SLC22A16: variants seen among roughly 807,000 people sequenced by gnomAD.
SLC22A16 encodes the protein WUGSC:RG331P03.1.
In SLC22A16, 53 loss-of-function variants were observed where a neutral mutation model predicts 52.9. That is an observed-to-expected ratio of 1.00 (90% CI 0.80 to 1.26). The LOEUF is 1.26. Among genes scored for constraint, SLC22A16 ranks in the 50% most tolerant of loss-of-function variants. The pLI, the probability that SLC22A16 is intolerant of heterozygous loss-of-function variation, is 0.00. For missense variants in SLC22A16, 726 were observed against 704.0 expected, an observed-to-expected ratio of 1.03 and a Z score of -0.35; for synonymous variants, 291 against 268.8, an observed-to-expected ratio of 1.08 and a Z score of -0.81.
intron 5 of SLC22A16, among the ~76,000 whole-genome samples, chr6:110,437,271 T>C (rs1774772163): frequency 6.6e-6 from 1 of 152,236 alleles, no homozygotes; most frequent in African/African-American, 2.4e-5. Flanking sequence ...GCTCTATTTC[T>C]AGAAATCTCC....
chr6:110,476,038 A>G (rs956992304), intron 1 of SLC22A16: 9 of 455,852 alleles, frequency 2.0e-5, no homozygotes, highest in Non-Finnish European at 3.5e-5. Context: ...AACGGCAACC[A>G]ACTCTGACTA....
intron 5 of SLC22A16, 48 bp downstream of exon 5, chr6:110,438,672 C>T: frequency 6.4e-7 from 1 of 1,571,570 alleles, no homozygotes; most frequent in South Asian, 1.2e-5. Flanking sequence ...TTCTTCCCAT[C>T]AAACTGTCAC....
chr6:110,458,221 C>T lies in SLC22A16; in HGVS notation c.54-1204G>A, dbSNP rs575202472. Among the ~76,000 whole-genome samples the T allele has an allele frequency of 1.2e-4, 19 of 152,332 alleles. No homozygotes were observed. In the South Asian group the frequency reaches 3.1e-3, roughly 25 times the overall value. On this transcript the variant is annotated intron_variant, in intron 1 of 7. Transcript: ENST00000368919. ...CCCTGTCCACTGGACACGTGACCCA[C>T]GTGACCTTACCTATCATTGGAGATG...
rs116220827 is a variant in SLC22A16, at chr6:110,445,442, A to G, written c.651+1431T>C. ...GGCTGATCAACGTCTTGCCTTTCCT[A>G]CTAGACTTACTGAGACAGCTGGGTC... On this transcript the variant is annotated intron_variant, in intron 3 of 7. Coordinates refer to ENST00000368919, the MANE Select transcript of SLC22A16 (RefSeq NM_033125.4). Among the ~76,000 whole-genome samples, 599 of 152,228 alleles carry G rather than the reference A, an allele frequency of 3.9e-3. 6 individuals carry two copies. The highest frequency in any genetic ancestry group is 0.014 in the African/African-American group (571 of 41,514).
intron 2 of SLC22A16, among the ~76,000 whole-genome samples, chr6:110,450,504 C>T (rs1044653665): frequency 6.2e-5 from 9 of 145,504 alleles, no homozygotes; most frequent in Non-Finnish European, 1.5e-5. Context: ...CCCAGCTACT[C>T]GGGAGGCTGA....
chr6:110,459,306 T>C (rs1325912868), intron 1 of SLC22A16, among the ~76,000 whole-genome samples: 2 of 152,152 alleles, frequency 1.3e-5, no homozygotes, highest in African/African-American at 4.8e-5. Flanking sequence ...TTGCAAACAC[T>C]AAAGTCACCA....
chr6:110,438,919 C>T (rs1774852800), intron 4 of SLC22A16, 72 bp from the exon 5 acceptor site: 2 of 1,583,454 alleles, frequency 1.3e-6, no homozygotes, highest in Non-Finnish European at 1.7e-6. Context: ...TCTTCTAACC[C>T]ACTACCCAAA....
intron 2 of SLC22A16, among the ~76,000 whole-genome samples, chr6:110,454,568 T>C (rs1243132708): frequency 9.0e-6 from 1 of 111,158 alleles, no homozygotes; most frequent in East Asian, 2.3e-4. Context: ...ATATATATTA[T>C]ATATAATATT....
chr6:110,454,652 A>G (rs1775528343), intron 2 of SLC22A16, among the ~76,000 whole-genome samples: 1 of 50,102 alleles, frequency 2.0e-5, no homozygotes, highest in Non-Finnish European at 3.2e-5. Flanking sequence ...TATATTTTAT[A>G]TATATTATAT....
chr6:110,462,738 T>C (rs953477602), intron 1 of SLC22A16, among the ~76,000 whole-genome samples: 10 of 152,122 alleles, frequency 6.6e-5, no homozygotes, highest in African/African-American at 2.2e-4. Context: ...GATCTTGCTA[T>C]AGAGGTAGAC....
chr6:110,474,272 C>T (rs1044295438), intron 1 of SLC22A16, among the ~76,000 whole-genome samples: 3 of 152,058 alleles, frequency 2.0e-5, no homozygotes, highest in Non-Finnish European at 2.9e-5. Context: ...GAAAAAATGT[C>T]TTCCACAAAA....
intron 1 of SLC22A16, 149 bp downstream of exon 1, chr6:110,476,373 T>TGTCCCGCGTCC: frequency 7.3e-7 from 1 of 1,365,618 alleles, no homozygotes; most frequent in Non-Finnish European, 9.4e-7. Flanking sequence ...GGCCGGCGTC[T>TGTCCCGCGTCC]GGACGCCCGT....
chr6:110,440,494 A>G (rs1272073484), intron 4 of SLC22A16, among the ~76,000 whole-genome samples: 1 of 152,138 alleles, frequency 6.6e-6, no homozygotes, highest in Non-Finnish European at 1.5e-5. Context: ...AAGGTCATGG[A>G]CGGCGGGGTG....
At chr6:110,464,479 C>G (rs1775995454) in intron 1 of SLC22A16, among the ~76,000 whole-genome samples, 1 of 151,954 alleles carries the variant, frequency 6.6e-6, no homozygotes, top group Admixed American at 6.6e-5. Context: ...CAACTGATAA[C>G]ACAGAAACAC....
chr6:110,472,934 T>A (rs1232907871), intron 1 of SLC22A16, among the ~76,000 whole-genome samples: 1 of 152,164 alleles, frequency 6.6e-6, no homozygotes, highest in Non-Finnish European at 1.5e-5. Context: ...CCATTCCATA[T>A]AAAAGCATAA....
Position 110,438,720 on chromosome 6 carries a change from C to T in SLC22A16, c.1311G>A (p.Gln437=), listed in dbSNP as rs191574699. 14 of 1,611,276 alleles carry T rather than the reference C, an allele frequency of 8.7e-6. No individual in the cohort carries two copies. The East Asian group carries it at 3.1e-4, about 36-fold the overall frequency. The change falls in exon 5 of 8, where the codon CAG becomes CAA. Residue 437 remains glutamine, a splice_region_variant and synonymous_variant. Coordinates refer to ENST00000368919, the MANE Select transcript of SLC22A16 (RefSeq NM_033125.4). The part of the protein sequence containing the change: ...LACGVVMVIP[Q]KHYILGVVTA... The stretch of plus-strand genomic sequence containing the variant: ...TTATAAAAAACAGAAGATAACTCAC[C>T]TGGGGGATCACCATAACGACACCAC...
At chr6:110,463,662 A>G (rs1042135526) in intron 1 of SLC22A16, among the ~76,000 whole-genome samples, 1 of 152,038 alleles carries the variant, frequency 6.6e-6, no homozygotes, top group African/African-American at 2.4e-5. Flanking sequence ...TAGACTTACA[A>G]AAAGAGATAG....
At chr6:110,425,165 T>G (rs1257383776) in intron 7 of SLC22A16, 80 bp from the exon 8 acceptor site, 5 of 1,572,030 alleles carry the variant, frequency 3.2e-6, no homozygotes, top group Non-Finnish European at 3.5e-6. Flanking sequence ...TCCTAACTGT[T>G]TTCAGAGGGT....
intron 1 of SLC22A16, among the ~76,000 whole-genome samples, chr6:110,463,904 C>T (rs1227984446): frequency 1.4e-5 from 2 of 145,006 alleles, no homozygotes; most frequent in Non-Finnish European, 3.0e-5. Context: ...AAGCAAGTCT[C>T]AATAAATGCA....
Sources: allele counts gnomAD v4.1 joint callset (sites outside exome capture counted in the v4.1 genomes callset), GRCh38; gene constraint gnomAD v4.1.1; transcripts MANE v1.5; gene names NCBI Gene and HGNC (gene_info 2026-07-23, HGNC 2026-07-21).